Variants in TVP23A observed in about 807,000 individuals in gnomAD.
TVP23A encodes trans-golgi network vesicle protein 23 homolog A.
Under a neutral mutation model 31.7 loss-of-function variants are expected in TVP23A, and 21 were observed. That is an observed-to-expected ratio of 0.66 (90% CI 0.47 to 0.95). The LOEUF (loss-of-function observed/expected upper bound fraction) is 0.95. Ranked by LOEUF, TVP23A falls within the 40% of genes least tolerant of loss-of-function variation. TVP23A has a pLI of 0.00. For missense variants in TVP23A, 279 were observed against 255.6 expected (o/e 1.09, Z -0.62); for synonymous variants, 104 against 96.0 (o/e 1.08, Z -0.49).
intron 7 of TVP23A, chr16:10,769,555 A>G (rs1215919392): frequency 6.3e-6 from 1 of 159,400 alleles, no homozygotes. Context: ...CCACAGTCCA[A>G]ACGCTTTTCT....
At chr16:10,771,839 GAC>G (rs1407695059) in intron 5 of TVP23A, 41 bp from the exon 6 acceptor site, 21 of 1,546,746 alleles carry the variant, frequency 1.4e-5, no homozygotes, top group Non-Finnish European at 1.7e-5. Context: ...TTTTTTTTGA[GAC>G]AGAGTTTCGC....
chr16:10,796,327 C>T (rs925359472), intron 2 of TVP23A, among the ~76,000 whole-genome samples: 1 of 151,956 alleles, frequency 6.6e-6, no homozygotes, highest in African/African-American at 2.4e-5. Flanking sequence ...GGCAACAGAG[C>T]AAGACCCTGT....
chr16:10,805,954 GC>G (rs966918681), intron 2 of TVP23A, among the ~76,000 whole-genome samples: 2 of 152,126 alleles, frequency 1.3e-5, no homozygotes, highest in African/African-American at 4.8e-5. Flanking sequence ...CACAGTGGGG[GC>G]TGCTACCAGC....
intron 2 of TVP23A, among the ~76,000 whole-genome samples, chr16:10,812,922 A>C (rs181923002): frequency 9.2e-5 from 14 of 152,232 alleles, no homozygotes; most frequent in Admixed American, 2.6e-4. Flanking sequence ...AAGTAAAAAG[A>C]AATAAAAAGT....
intron 7 of TVP23A, among the ~76,000 whole-genome samples, chr16:10,770,006 G>T (rs2031443398): frequency 6.6e-6 from 1 of 152,080 alleles, no homozygotes; most frequent in Non-Finnish European, 1.5e-5. Context: ...CCTTCCCTAG[G>T]ACCATACATA....
chr16:10,802,966 C>G (rs2033772187), intron 2 of TVP23A, among the ~76,000 whole-genome samples: 1 of 152,140 alleles, frequency 6.6e-6, no homozygotes, highest in Non-Finnish European at 1.5e-5. Flanking sequence ...TTCAACACTG[C>G]TTAAGAAACA....
At chr16:10,776,844 C>A (rs768335420) in intron 2 of TVP23A, among the ~76,000 whole-genome samples, 1 of 152,116 alleles carries the variant, frequency 6.6e-6, no homozygotes, top group Non-Finnish European at 1.5e-5. Flanking sequence ...AACTTCCAGA[C>A]GTTGCCATGA....
At chr16:10,786,293 G>A (rs1337196311) in intron 2 of TVP23A, among the ~76,000 whole-genome samples, 1 of 152,070 alleles carries the variant, frequency 6.6e-6, no homozygotes, top group Non-Finnish European at 1.5e-5. Flanking sequence ...TTGTCCTGTG[G>A]CCAGGTGCAG....
At chr16:10,759,330 C>G (rs777891618), downstream of TVP23A, among the ~76,000 whole-genome samples, 1 of 152,204 alleles carries the variant, frequency 6.6e-6, no homozygotes, top group African/African-American at 2.4e-5. The surrounding 1 kb of genome is among the most constrained non-coding windows in gnomAD (Gnocchi z 4.7). Context: ...CATGTCCACC[C>G]TGGCATCCTG....
chr16:10,774,180 T>C, intron 3 of TVP23A, 52 bp from the exon 4 acceptor site: 1 of 1,381,656 alleles, frequency 7.2e-7, no homozygotes, highest in South Asian at 1.3e-5. Context: ...AAGAGGCTTA[T>C]TCACTGTATT....
In TVP23A at chr16:10,777,141, G is replaced by C. The variant is rs1162864785; in HGVS notation, c.90-2045C>G. On this transcript the variant is annotated intron_variant, in intron 2 of 7. Transcript: ENST00000299866. The surrounding 1 kb of genome is among the most constrained non-coding windows in gnomAD (Gnocchi z 4.5). ...TTCACACGCCTCTGACACAGTGATG[G>C]ATGAGAATGAAACCCGCACCTCAGG... is the stretch of plus-strand genomic sequence containing the variant. Among the ~76,000 whole-genome samples the C allele has an allele frequency of 1.3e-5, 2 of 152,102 alleles. No homozygotes were observed. The highest frequency in any genetic ancestry group is 2.9e-5 in the Non-Finnish European group (2 of 68,004).
At chr16:10,789,510 T>C (rs1047642818) in intron 2 of TVP23A, among the ~76,000 whole-genome samples, 3 of 151,772 alleles carry the variant, frequency 2.0e-5, no homozygotes, top group African/African-American at 7.3e-5. Flanking sequence ...TTGGGAGATA[T>C]GAGACATCAA....
downstream of TVP23A, chr16:10,761,860 G>C (rs373364504): frequency 4.3e-6 from 7 of 1,612,450 alleles, no homozygotes; most frequent in Non-Finnish European, 5.9e-6. Flanking sequence ...CCGCTCATAG[G>C]TGGGTGACCC....
intron 6 of TVP23A, among the ~76,000 whole-genome samples, chr16:10,771,044 A>C (rs2031574136): frequency 6.6e-6 from 1 of 152,118 alleles, no homozygotes; most frequent in African/African-American, 2.4e-5. Context: ...AGAAAGCAGA[A>C]TGCTGGTTGC....
intron 2 of TVP23A, among the ~76,000 whole-genome samples, chr16:10,797,973 T>G (rs1332705214): frequency 6.7e-6 from 1 of 148,658 alleles, no homozygotes; most frequent in Non-Finnish European, 1.5e-5. Context: ...TTTTTTTTTT[T>G]GAGATGGAGT....
intron 6 of TVP23A, among the ~76,000 whole-genome samples, chr16:10,770,664 G>A (rs928842796): frequency 2.0e-5 from 3 of 151,616 alleles, no homozygotes; most frequent in African/African-American, 7.3e-5. Flanking sequence ...CTTGAGGCAA[G>A]GAGTTCGAGA....
intron 2 of TVP23A, among the ~76,000 whole-genome samples, chr16:10,778,551 G>T (rs943261477): frequency 2.0e-5 from 3 of 151,814 alleles, no homozygotes; most frequent in African/African-American, 7.3e-5. Flanking sequence ...ATCCCCAAAA[G>T]CACCCAGTAT....
intron 2 of TVP23A, among the ~76,000 whole-genome samples, chr16:10,803,272 T>C (rs898448847): frequency 2.0e-5 from 3 of 151,964 alleles, no homozygotes; most frequent in East Asian, 1.9e-4. Context: ...TGTGTGTGTG[T>C]GTGTGTGTGT....
At chr16:10,791,579 G>T (rs973406590) in intron 2 of TVP23A, among the ~76,000 whole-genome samples, 2 of 152,174 alleles carry the variant, frequency 1.3e-5, no homozygotes, top group Non-Finnish European at 2.9e-5. Flanking sequence ...CTCGGACCAG[G>T]CATGTCCAAC....
Sources: allele counts gnomAD v4.1 joint callset (sites outside exome capture counted in the v4.1 genomes callset), GRCh38; gene constraint gnomAD v4.1.1; non-coding constraint Gnocchi (gnomAD v3.1); transcripts MANE v1.5; gene names NCBI Gene and HGNC (gene_info 2026-07-23, HGNC 2026-07-21).